The following SF3B1 variants were observed in gnomAD, a reference collection of about 807,000 sequenced individuals.
SF3B1 encodes the protein pre-mRNA processing 10.
A neutral mutation model predicts 153.8 loss-of-function variants in SF3B1; 12 were observed. That is an observed-to-expected ratio of 0.08 (90% CI 0.05 to 0.13). SF3B1 has a LOEUF of 0.13. SF3B1 is among the 10% of genes least tolerant of loss of function. The pLI is 1.00. For synonymous variants in SF3B1, 498 were observed against 525.2 expected (o/e 0.95, Z 0.71); for missense variants, 513 against 1,606.1 (o/e 0.32, Z 11.63).
intron 7 of SF3B1, among the ~76,000 whole-genome samples, chr2:197,409,170 G>A (rs2085032504): frequency 6.6e-6 from 1 of 151,982 alleles, no homozygotes; most frequent in African/African-American, 2.4e-5. Context: ...AAGGCCGAGG[G>A]GGGCAGATCA....
At chr2:197,398,315 G>T in intron 21 of SF3B1, 146 bp downstream of exon 21, 1 of 982,520 alleles carries the variant, frequency 1.0e-6, no homozygotes, top group East Asian at 2.4e-5. Context: ...CATCCAAATT[G>T]AAATTTGACT....
chr2:197,430,887 C>T (rs1260084270), intron 1 of SF3B1, among the ~76,000 whole-genome samples: 1 of 152,004 alleles, frequency 6.6e-6, no homozygotes, highest in African/African-American at 2.4e-5. Context: ...TGTATGTTTG[C>T]AGTCTCAAGC....
chr2:197,404,445 T>C (rs2084967389), intron 11 of SF3B1, among the ~76,000 whole-genome samples: 1 of 152,088 alleles, frequency 6.6e-6, no homozygotes, highest in South Asian at 2.1e-4. Context: ...CAGGGCGTGG[T>C]GGTGCACGCC....
chr2:197,410,064 T>C (rs1042570683), intron 6 of SF3B1, 57 bp from the exon 7 acceptor site: 5 of 1,235,050 alleles, frequency 4.0e-6, no homozygotes, highest in Admixed American at 2.2e-5. Context: ...ATTAGAAAAT[T>C]TCCATAAAAT....
At chr2:197,414,993 G>A (rs1202655825) in intron 6 of SF3B1, among the ~76,000 whole-genome samples, 1 of 151,992 alleles carries the variant, frequency 6.6e-6, no homozygotes, top group Non-Finnish European at 1.5e-5. Context: ...AACAGAATGA[G>A]ACCCTACCTC....
rs760673135 is a variant in SF3B1, at chr2:197,402,523, A to G, written c.2077+33T>C. On this transcript the variant is annotated intron_variant, in intron 14 of 24. Coordinates refer to ENST00000335508, the MANE Select transcript of SF3B1 (RefSeq NM_012433.4). This position sits in a 1 kb window ranked among gnomAD's most constrained non-coding sequence, Gnocchi z 4.6. ...AGTAAGACCCTGTCTCCTAAAGAAA[A>G]AAAAAAAAAGACAAAGTTACATTAC... The G allele has an allele frequency of 6.3e-7, 1 of 1,591,878 alleles. No individual in the cohort carries two copies. Among genetic ancestry groups the G allele is most frequent in the Non-Finnish European group, 8.6e-7 (1 of 1,168,242 alleles).
chr2:197,403,829 TAC>T (rs2084960102), intron 11 of SF3B1, 65 bp from the exon 12 acceptor site: 1 of 1,197,512 alleles, frequency 8.4e-7, no homozygotes, highest in African/African-American at 1.6e-5. Context: ...ATGAGCAAAT[TAC>T]TCAAAGAAGA....
intron 22 of SF3B1, among the ~76,000 whole-genome samples, chr2:197,396,768 C>T (rs967130721): frequency 3.9e-5 from 6 of 152,110 alleles, no homozygotes; most frequent in Admixed American, 2.0e-4. Flanking sequence ...ATCTCTTTTC[C>T]TTTTATCTTT....
chr2:197,393,455 C>CTT lies in SF3B1; in HGVS notation c.3540-269_3540-268dup, dbSNP rs762933389. On this transcript the variant is annotated intron_variant, in intron 23 of 24. Coordinates refer to ENST00000335508, the MANE Select transcript of SF3B1 (RefSeq NM_012433.4). The stretch of plus-strand genomic sequence containing the variant: ...CAATTAAGCCATATTTTCTAATTAA[C>CTT]TTTTTTTTTTTTTTTGAGACGGAGT... 6.4e-3 allele frequency: 1,982 copies of CTT among 308,848 alleles called. 1 individual carries two copies. Among genetic ancestry groups the CTT allele is most frequent in the Non-Finnish European group, 8.1e-3 (1,348 of 166,582 alleles). 19.1% of individuals were successfully genotyped at this position (308,848 alleles called of 1,614,324 possible).
chr2:197,417,592 A>AAG (rs1559273535), intron 5 of SF3B1, among the ~76,000 whole-genome samples: 2 of 150,722 alleles, frequency 1.3e-5, no homozygotes, highest in African/African-American at 2.4e-5. Context: ...AAAAAAAAAA[A>AAG]AAAGAAATAT....
Position 197,402,374 on chromosome 2 carries a change from A to C in SF3B1, c.2077+182T>G, listed in dbSNP as rs1046823098. 3.7e-5 allele frequency: 26 copies of C among 694,696 alleles called. No homozygotes were observed. Among genetic ancestry groups the C allele is most frequent in the Admixed American group, 8.8e-5 (3 of 34,000 alleles). 43.0% of individuals were successfully genotyped at this position (694,696 alleles called of 1,614,324 possible). A position where few individuals can be genotyped will look rare whatever the true frequency, so the allele number is the denominator to read the frequency against. ...TTATCTCCCCAAATCAGTAGCCCAA[A>C]TTTTAGGACAGCTGTCCTATTAAAC... On this transcript the variant is annotated intron_variant, in intron 14 of 24. Coordinates refer to ENST00000335508, the MANE Select transcript of SF3B1 (RefSeq NM_012433.4). The surrounding 1 kb of genome is among the most constrained non-coding windows in gnomAD (Gnocchi z 4.6).
chr2:197,432,674 A>C lies in SF3B1; in HGVS notation c.28+2298T>G, dbSNP rs938324939. 2.0e-5 allele frequency among the ~76,000 whole-genome samples: 3 copies of C among 152,210 alleles called. No individual in the cohort carries two copies. The East Asian group carries it at 5.8e-4, about 29-fold the overall frequency. On this transcript the variant is annotated intron_variant, in intron 1 of 24. Coordinates refer to ENST00000335508, the MANE Select transcript of SF3B1 (RefSeq NM_012433.4). Reference sequence around the variant, plus strand: ...CACTTGTGGTCAGGAGTTTGAGACCAGCCTGGCCAACATGGCGAAACCCTG... The same window carrying C: ...CACTTGTGGTCAGGAGTTTGAGACCCGCCTGGCCAACATGGCGAAACCCTG...
chr2:197,430,206 C>T (rs990934013), intron 1 of SF3B1, among the ~76,000 whole-genome samples: 1 of 152,120 alleles, frequency 6.6e-6, no homozygotes, highest in Non-Finnish European at 1.5e-5. Flanking sequence ...ATGGGTAAAA[C>T]AGAACAGTGA....
At position 197,423,489 on chromosome 2, in the gene SF3B1, T is replaced by C. The variant is rs72914921; in HGVS notation, c.195+319A>G. On this transcript the variant is annotated intron_variant, in intron 2 of 24. Transcript: ENST00000335508. Reference sequence around the variant, plus strand: ...CACAAGGACAGATGGCTATTTACAATTAAGTCACTTCTCACACAGGCTACT... The same window carrying C: ...CACAAGGACAGATGGCTATTTACAACTAAGTCACTTCTCACACAGGCTACT... 5.2e-3 allele frequency among the ~76,000 whole-genome samples: 793 copies of C among 152,196 alleles called. 2 individuals are homozygous for C. The highest frequency in any genetic ancestry group is 7.6e-3 in the Non-Finnish European group (514 of 68,002).
Position 197,434,996 on chromosome 2 carries a change from C to A in SF3B1, c.4G>T (p.Ala2Ser), listed in dbSNP as rs200907946. The change falls in exon 1 of 25, where the codon GCG becomes TCG. Residue 2 changes from alanine (A) to serine (S), a missense_variant. This residue lies in a region of SF3B1 where 27 missense variants were observed against 26.7 expected (regional missense o/e 1.01). Transcript: ENST00000335508. ...CCTTCGTGAGTCTTGGCGATCTTCGCCATTTTGTCCACTCGAACACACAGA... is the reference window on the plus strand; with the variant it reads ...CCTTCGTGAGTCTTGGCGATCTTCGACATTTTGTCCACTCGAACACACAGA... M[A>S]KIAKTHEDIE... 2.5e-6 allele frequency: 4 copies of A among 1,614,282 alleles called. No homozygotes were observed. Among genetic ancestry groups the A allele is most frequent in the African/African-American group, 2.7e-5 (2 of 75,082 alleles).
At chr2:197,429,353 T>G (rs192777471) in intron 1 of SF3B1, among the ~76,000 whole-genome samples, 2 of 152,342 alleles carry the variant, frequency 1.3e-5, no homozygotes, top group South Asian at 2.1e-4. Flanking sequence ...TGCCTTTTTA[T>G]TACTGGGTAG....
At chr2:197,420,321 T>G in intron 4 of SF3B1, 107 bp downstream of exon 4, 1 of 795,162 alleles carries the variant, frequency 1.3e-6, no homozygotes, top group Non-Finnish European at 2.1e-6. Context: ...GGGGGATTTT[T>G]AAAAAGAAAA....
chr2:197,399,580 A>G (rs2084916218), intron 20 of SF3B1, among the ~76,000 whole-genome samples: 1 of 152,216 alleles, frequency 6.6e-6, no homozygotes, highest in Non-Finnish European at 1.5e-5. Context: ...AATAAAGACA[A>G]TAATTTGATC....
At chr2:197,431,804 T>C (rs547300401) in intron 1 of SF3B1, among the ~76,000 whole-genome samples, 2 of 152,204 alleles carry the variant, frequency 1.3e-5, no homozygotes, top group South Asian at 2.1e-4. Flanking sequence ...TACTGATAAA[T>C]TGATTCCTAA....
Sources: gnomAD v4.1 joint callset for allele counts (sites outside exome capture counted in the v4.1 genomes callset) on GRCh38, gnomAD v4.1.1 for gene constraint, gnomAD v4.1.1 regional missense constraint, Gnocchi (gnomAD v3.1) non-coding constraint, MANE v1.5 for transcripts, NCBI Gene and HGNC (gene_info 2026-07-23, HGNC 2026-07-21) for gene names.